Variants in CPS1 observed in about 807,000 individuals in gnomAD.
CPS1 encodes carbamoyl-phosphate synthase [ammonia], mitochondrial.
A neutral mutation model predicts 174.6 loss-of-function variants in CPS1; 109 were observed. The ratio of observed to expected loss-of-function variants is 0.62; its 90% confidence interval spans 0.53 to 0.73. The LOEUF is 0.73. Ranked by LOEUF, CPS1 falls within the 30% of genes least tolerant of loss-of-function variation. The pLI is 0.00. For synonymous variants in CPS1, 637 were observed against 632.0 expected (o/e 1.01, Z -0.12); for missense variants, 1,689 against 1,821.9 (o/e 0.93, Z 1.33).
chr2:210,492,078 A>C (rs1239227975), intron 1 of CPS1, among the ~76,000 whole-genome samples: 1 of 152,246 alleles, frequency 6.6e-6, no homozygotes, highest in Non-Finnish European at 1.5e-5. Context: ...TGGCCTACCA[A>C]TATATGAATA....
In CPS1 at chr2:210,556,872, T is replaced by A; in HGVS notation, c.126+13T>A. On this transcript the variant is annotated intron_variant, in intron 1 of 37. Transcript: ENST00000233072. ...CCTTTCTGTCAAGGTAATACCCATATTGATTGTTTCTGATAAAATACTATG... is the reference window on the plus strand; with the variant it reads ...CCTTTCTGTCAAGGTAATACCCATAATGATTGTTTCTGATAAAATACTATG... The A allele has an allele frequency of 6.2e-7, 1 of 1,612,522 alleles. No homozygotes were observed. Among genetic ancestry groups the A allele is most frequent in the Non-Finnish European group, 8.5e-7 (1 of 1,178,880 alleles).
intron 34 of CPS1, chr2:210,674,484 C>G (rs7575474): frequency 1.3e-5 from 1 of 74,808 alleles, no homozygotes; most frequent in Non-Finnish European, 2.8e-5. Flanking sequence ...AAAAAAAAAC[C>G]AAAAAAAAAA....
intron 1 of CPS1, among the ~76,000 whole-genome samples, chr2:210,512,580 G>C (rs1465425157): frequency 6.6e-6 from 1 of 150,938 alleles, no homozygotes; most frequent in Non-Finnish European, 1.5e-5. Context: ...TATATATGCA[G>C]CATGTTTTCT....
At chr2:210,584,348 G>A (rs929521927) in intron 6 of CPS1, among the ~76,000 whole-genome samples, 3 of 151,972 alleles carry the variant, frequency 2.0e-5, no homozygotes, top group Non-Finnish European at 4.4e-5. Flanking sequence ...GTGTGGCAAT[G>A]GAATTTCTCA....
intron 31 of CPS1, 89 bp downstream of exon 31, chr2:210,658,777 C>A (rs1053442773): frequency 1.0e-6 from 1 of 962,120 alleles, no homozygotes; most frequent in Non-Finnish European, 1.7e-6. Flanking sequence ...TCTGTGAACA[C>A]CAGACAAAGA....
chr2:210,663,166 T>C lies in CPS1; in HGVS notation c.3971T>C (p.Ile1324Thr). 1 of 1,613,998 alleles carries C rather than the reference T, an allele frequency of 6.2e-7. No homozygotes were observed. The highest frequency in any genetic ancestry group is 8.5e-7 in the Non-Finnish European group (1 of 1,179,988). The change falls in exon 33 of 38, where the codon ATT becomes ACT. Residue 1324 changes from isoleucine (I) to threonine (T), a missense_variant. Ile to Thr is a moderately conservative substitution (Grantham distance 89). Coordinates refer to ENST00000233072, the MANE Select transcript of CPS1 (RefSeq NM_001875.5). Reference protein sequence around the residue: ...SWPRLRDADPILRCEMASTGE... With the variant: ...SWPRLRDADPTLRCEMASTGE... Reference sequence around the variant, plus strand: ...CCCCGGTTGAGGGATGCTGACCCCATTCTGAGATGTGAGATGGCTTCCACT... The same window carrying C: ...CCCCGGTTGAGGGATGCTGACCCCACTCTGAGATGTGAGATGGCTTCCACT...
rs757150980 is a variant in CPS1, at chr2:210,594,566, C to T, written c.1223C>T (p.Ser408Leu). Residue 408 changes from serine (S) to leucine (L), a missense_variant, in exon 12 of 38, where the codon TCA becomes TTA. Transcript: ENST00000233072. ...AAAGGAAAAGCTACCACCATTACAT[C>T]AGTCTTACCGAAGCCAGCACTAGTT... ...IKKGKATTITSVLPKPALVAS... is the reference protein window; with the variant it reads ...IKKGKATTITLVLPKPALVAS... 1.2e-6 allele frequency: 2 copies of T among 1,611,330 alleles called. No homozygotes were observed. Among genetic ancestry groups the T allele is most frequent in the East Asian group, 4.5e-5 (2 of 44,682 alleles).
chr2:210,592,033 G>A, intron 10 of CPS1, 64 bp downstream of exon 10: 1 of 1,518,264 alleles, frequency 6.6e-7, no homozygotes, highest in Non-Finnish European at 9.0e-7. Context: ...AAAAATAATT[G>A]ATACATAAGC....
intron 1 of CPS1, among the ~76,000 whole-genome samples, chr2:210,563,069 T>C (rs2106050159): frequency 6.6e-6 from 1 of 152,222 alleles, no homozygotes; most frequent in South Asian, 2.1e-4. Flanking sequence ...AAATATACAT[T>C]AGCAAATTTG....
chr2:210,660,725 A>C, intron 32 of CPS1, 70 bp downstream of exon 32: 1 of 1,463,520 alleles, frequency 6.8e-7, no homozygotes. Context: ...TTTGTCATCA[A>C]AAATCTTGTT....
At chr2:210,515,597 G>A (rs1695661022) in intron 1 of CPS1, among the ~76,000 whole-genome samples, 1 of 150,800 alleles carries the variant, frequency 6.6e-6, no homozygotes, top group African/African-American at 2.4e-5. Flanking sequence ...CTCTCTTTTT[G>A]TTGTTAATCT....
chr2:210,535,289 C>T (rs1696216017), intron 1 of CPS1, among the ~76,000 whole-genome samples: 2 of 152,142 alleles, frequency 1.3e-5, no homozygotes, highest in Non-Finnish European at 2.9e-5. Flanking sequence ...TGTTTTCTGG[C>T]TATGCTTTGA....
intron 1 of CPS1, among the ~76,000 whole-genome samples, chr2:210,500,900 C>G (rs778695593): frequency 6.6e-6 from 1 of 152,214 alleles, no homozygotes; most frequent in African/African-American, 2.4e-5. Flanking sequence ...AGAGGGTTCT[C>G]CATGAGGGCT....
intron 1 of CPS1, among the ~76,000 whole-genome samples, chr2:210,504,912 C>T (rs146945681): frequency 9.7e-4 from 148 of 151,878 alleles, no homozygotes; most frequent in Middle Eastern, 3.4e-3. Flanking sequence ...ATTGGGAGGA[C>T]GACCTACTTT....
chr2:210,571,363 C>A (rs573173251), intron 1 of CPS1, among the ~76,000 whole-genome samples: 7 of 151,874 alleles, frequency 4.6e-5, no homozygotes, highest in Non-Finnish European at 7.4e-5. Flanking sequence ...CGCATATGCT[C>A]ACTCACACAC....
intron 3 of CPS1, 54 bp downstream of exon 3, chr2:210,576,544 C>T: frequency 1.2e-6 from 2 of 1,604,920 alleles, no homozygotes; most frequent in Non-Finnish European, 1.7e-6. Flanking sequence ...GTATAGTTGA[C>T]TTATTCTTAA....
intron 1 of CPS1, among the ~76,000 whole-genome samples, chr2:210,571,885 GTGTGTGTGTGTGTGTGTGTGTGTGTA>G (rs1697507503): frequency 2.0e-5 from 2 of 98,712 alleles, no homozygotes; most frequent in East Asian, 2.4e-4. Context: ...GTGTGTGTGT[GTGTGTGTGTGTGTGTGTGTGTGTGTA>G]TGTGTAATGG....
intron 33 of CPS1, 60 bp downstream of exon 33, chr2:210,663,257 A>G (rs764856872): frequency 7.5e-6 from 11 of 1,458,322 alleles, no homozygotes; most frequent in Non-Finnish European, 1.1e-5. Context: ...CTATGGTTTT[A>G]TGATTTGAAT....
chr2:210,517,473 C>T (rs1197523199), intron 1 of CPS1, among the ~76,000 whole-genome samples: 3 of 152,042 alleles, frequency 2.0e-5, no homozygotes, highest in African/African-American at 7.2e-5. Context: ...AGATATCAAC[C>T]AATAGATGTG....
Sources: gnomAD v4.1 joint callset for allele counts (sites outside exome capture counted in the v4.1 genomes callset) on GRCh38, gnomAD v4.1.1 for gene constraint, MANE v1.5 for transcripts, NCBI Gene and HGNC (gene_info 2026-07-23, HGNC 2026-07-21) for gene names.